Variants in EBF3 observed in about 807,000 individuals in gnomAD.
The protein encoded by EBF3 is transcription factor COE3.
Under a neutral mutation model 77.1 loss-of-function variants are expected in EBF3, and 18 were observed. The ratio of observed to expected loss-of-function variants is 0.23; its 90% CI spans 0.16 to 0.35. The LOEUF is 0.35. Among genes scored for constraint, EBF3 ranks in the 10% least tolerant of loss-of-function variants. EBF3 has a pLI of 1.00. For missense variants in EBF3, 558 were observed against 860.0 expected, an observed-to-expected ratio of 0.65 and a Z score of 4.39; for synonymous variants, 350 against 343.5, an observed-to-expected ratio of 1.02 and a Z score of -0.21.
chr10:129,934,436 C>G (rs951402599), intron 6 of EBF3, among the ~76,000 whole-genome samples: 1 of 152,140 alleles, frequency 6.6e-6, no homozygotes, highest in Non-Finnish European at 1.5e-5. Context: ...ATACCAGTGG[C>G]TCTAACTAAG....
chr10:129,925,798 G>C (rs1308854637), intron 6 of EBF3, among the ~76,000 whole-genome samples: 2 of 151,930 alleles, frequency 1.3e-5, no homozygotes, highest in African/African-American at 2.4e-5. Context: ...ATGTTTCCAG[G>C]AGGTAAACAT....
At chr10:129,940,010 T>A (rs137865034) in intron 6 of EBF3, among the ~76,000 whole-genome samples, 135 of 152,312 alleles carry the variant, frequency 8.9e-4, no homozygotes, top group Middle Eastern at 3.4e-3. Flanking sequence ...CGGGGATGTA[T>A]CAGCCTCTTT....
At position 129,837,933 on chromosome 10, in the gene EBF3, A is replaced by C; in HGVS notation, c.*10T>G. 6.2e-7 allele frequency: 1 copy of C among 1,614,144 alleles called. No individual in the cohort carries two copies. Among genetic ancestry groups the C allele is most frequent in the Non-Finnish European group, 8.5e-7 (1 of 1,180,032 alleles). Reference sequence around the variant, plus strand: ...CGGAAGGTAAACAGAAGTCCCTCACATTGGCGGGACTACCAGCCCAGACAT... The same window carrying C: ...CGGAAGGTAAACAGAAGTCCCTCACCTTGGCGGGACTACCAGCCCAGACAT... On this transcript the variant is annotated 3_prime_UTR_variant, in exon 17 of 17. Coordinates refer to ENST00000440978, the MANE Select transcript of EBF3 (RefSeq NM_001375380.1).
At chr10:129,896,516 G>A (rs869238) in intron 6 of EBF3, among the ~76,000 whole-genome samples, 23,147 of 152,266 alleles carry the variant, frequency 0.15, 2,257 homozygotes, top group Admixed American at 0.22. Flanking sequence ...GGCGTGGGCC[G>A]GGTGTGGGGG....
rs1851609770 is a variant in EBF3 at position 129,861,192 on chromosome 10, G to A, written c.1039+5949C>T. 6.6e-6 allele frequency among the ~76,000 whole-genome samples: 1 copy of A among 152,168 alleles called. No individual in the cohort carries two copies. The highest frequency in any genetic ancestry group is 2.1e-4 in the South Asian group (1 of 4,824). ...AGCAGTGGGGAGGACAGCGGTGGGA[G>A]CCTGCCCTCCCTCCCTTCCTTTGTG... On this transcript the variant is annotated intron_variant, in intron 10 of 16. Transcript: ENST00000440978. This position sits in a 1 kb window ranked among gnomAD's most constrained non-coding sequence, Gnocchi z 4.3.
chr10:129,921,083 C>T (rs987803850), intron 6 of EBF3, among the ~76,000 whole-genome samples: 2 of 152,154 alleles, frequency 1.3e-5, no homozygotes, highest in Admixed American at 6.5e-5. Context: ...TCAGCCTCAT[C>T]GGCTAAAAGT....
At chr10:129,889,563 C>T (rs1415727670) in intron 6 of EBF3, among the ~76,000 whole-genome samples, 1 of 152,234 alleles carries the variant, frequency 6.6e-6, no homozygotes, top group Non-Finnish European at 1.5e-5. Context: ...ACCCGCTAAA[C>T]AGCCAGCAAC....
At chr10:129,919,829 C>A (rs890368449) in intron 6 of EBF3, among the ~76,000 whole-genome samples, 3 of 152,174 alleles carry the variant, frequency 2.0e-5, no homozygotes, top group Non-Finnish European at 4.4e-5. Flanking sequence ...GCAGGGGGAG[C>A]TCTGTTTGGG....
intron 8 of EBF3, among the ~76,000 whole-genome samples, chr10:129,868,192 T>C (rs188632812): frequency 2.6e-5 from 4 of 152,358 alleles, no homozygotes; most frequent in African/African-American, 9.6e-5. Context: ...CTATTACAAA[T>C]GATTAAGCAT....
rs1223872245 is a variant in EBF3 at position 129,890,902 on chromosome 10, C to T, written c.555-13053G>A. Among the ~76,000 whole-genome samples, 4 of 152,188 alleles carry T rather than the reference C, an allele frequency of 2.6e-5. No homozygotes were observed. In the South Asian group the frequency reaches 6.2e-4, roughly 24 times the overall value. On this transcript the variant is annotated intron_variant, in intron 6 of 16. Coordinates refer to ENST00000440978, the MANE Select transcript of EBF3 (RefSeq NM_001375380.1). ...TTTGTTGTGAGACCGCGCTACTTTG[C>T]CATCCTCAATCTGCATGGAGAAAGA...
Position 129,848,464 on chromosome 10 carries a change from G to T in EBF3, c.1056C>A (p.Thr352=). 1 of 1,614,174 alleles carries T rather than the reference G, an allele frequency of 6.2e-7. No individual in the cohort carries two copies. Among genetic ancestry groups the T allele is most frequent in the South Asian group, 1.1e-5 (1 of 91,076 alleles). The change falls in exon 11 of 17, where the codon ACC becomes ACA. Residue 352 remains threonine (T), a synonymous_variant. Transcript: ENST00000440978. The surrounding 1 kb of genome is among the most constrained non-coding windows in gnomAD (Gnocchi z 4.4). ...GCAACCTCTGAAAGCCGTAATCTAT[G>T]GTTGGTTCATTAAGGGCTGCAACAG... is the stretch of plus-strand genomic sequence containing the variant. ...RFVYTALNEP[T]IDYGFQRLQK...
intron 6 of EBF3, among the ~76,000 whole-genome samples, chr10:129,951,703 G>A (rs934256465): frequency 2.6e-5 from 4 of 152,252 alleles, no homozygotes; most frequent in East Asian, 1.9e-4. Flanking sequence ...GACCCACCGC[G>A]GCAGGCGACC....
chr10:129,904,829 T>C (rs575648472), intron 6 of EBF3, among the ~76,000 whole-genome samples: 1 of 152,356 alleles, frequency 6.6e-6, no homozygotes, highest in South Asian at 2.1e-4. Flanking sequence ...AATGAATAAA[T>C]GAATGGATAA....
rs1386834463 is a variant in EBF3 at position 129,935,960 on chromosome 10, G to A, written c.554+21298C>T. On this transcript the variant is annotated intron_variant, in intron 6 of 16. Coordinates refer to ENST00000440978, the MANE Select transcript of EBF3 (RefSeq NM_001375380.1). The surrounding 1 kb of genome is among the most constrained non-coding windows in gnomAD (Gnocchi z 4.2). ...GGCCCCTCCTCCACCATCATCCATCGGGGGGCTTCCTGAAGCTGCCCCCCC... is the reference window on the plus strand; with the variant it reads ...GGCCCCTCCTCCACCATCATCCATCAGGGGGCTTCCTGAAGCTGCCCCCCC... 4.6e-5 allele frequency among the ~76,000 whole-genome samples: 7 copies of A among 150,874 alleles called. No individual in the cohort carries two copies. The highest frequency in any genetic ancestry group is 1.2e-4 in the African/African-American group (5 of 40,278).
Position 129,839,184 on chromosome 10 carries a change from C to G in EBF3, c.1771G>C (p.Gly591Arg). The change falls in exon 16 of 17, where the codon GGT becomes CGT. Residue 591 changes from glycine to arginine, a missense_variant. Coordinates refer to ENST00000440978, the MANE Select transcript of EBF3 (RefSeq NM_001375380.1). ...NGNGLQGSLL[G>R]AEDVAAEKTN... Reference sequence around the variant, plus strand: ...TTCTCCGCGGCTACGTCCTCAGCACCCAGCAGAGAGCCTGGTACATAGTAG... The same window carrying G: ...TTCTCCGCGGCTACGTCCTCAGCACGCAGCAGAGAGCCTGGTACATAGTAG... 1 of 1,285,984 alleles carries G rather than the reference C, an allele frequency of 7.8e-7. No individual in the cohort carries two copies. The highest frequency in any genetic ancestry group is 1.0e-6 in the Non-Finnish European group (1 of 972,268). 79.7% of individuals were successfully genotyped at this position (1,285,984 alleles called of 1,614,324 possible).
intron 6 of EBF3, among the ~76,000 whole-genome samples, chr10:129,927,572 G>A (rs2134397510): frequency 6.6e-6 from 1 of 152,276 alleles, no homozygotes; most frequent in Non-Finnish European, 1.5e-5. Context: ...CAACGACGGG[G>A]AGCTCACCCC....
chr10:129,845,637 A>T (rs1391803286), intron 11 of EBF3: 2 of 152,246 alleles, frequency 1.3e-5, no homozygotes, highest in Admixed American at 1.3e-4. Context: ...GGTTATGAAT[A>T]CATTGAAGAG....
chr10:129,927,277 T>C (rs1234606172), intron 6 of EBF3, among the ~76,000 whole-genome samples: 1 of 152,222 alleles, frequency 6.6e-6, no homozygotes, highest in Non-Finnish European at 1.5e-5. Context: ...TGGTGGCCAT[T>C]CTGGTTTCAC....
At chr10:129,951,363 G>A (rs1858665435) in intron 6 of EBF3, among the ~76,000 whole-genome samples, 1 of 152,218 alleles carries the variant, frequency 6.6e-6, no homozygotes, top group Admixed American at 6.5e-5. Context: ...AGCGGTGCAG[G>A]ATGCTTTCCG....
Sources: allele counts gnomAD v4.1 joint callset (sites outside exome capture counted in the v4.1 genomes callset), GRCh38; gene constraint gnomAD v4.1.1; non-coding constraint Gnocchi (gnomAD v3.1); transcripts MANE v1.5; gene names NCBI Gene and HGNC (gene_info 2026-07-23, HGNC 2026-07-21).